Variants in BANK1 observed in about 807,000 individuals in gnomAD.
BANK1 encodes B-cell scaffold protein with ankyrin repeats.
Under a neutral mutation model 94.5 loss-of-function variants are expected in BANK1, and 95 were observed. The observed-to-expected ratio is 1.00, with a 90% CI of 0.85 to 1.19. BANK1 has a LOEUF of 1.19. BANK1 is among the 50% of genes most tolerant of loss of function. BANK1 has a pLI of 0.00. For synonymous variants in BANK1, 334 were observed against 308.4 expected (o/e 1.08, Z -0.87); for missense variants, 987 against 932.2 (o/e 1.06, Z -0.77).
At chr4:102,019,649 G>A (rs973371059) in intron 7 of BANK1, among the ~76,000 whole-genome samples, 3 of 152,132 alleles carry the variant, frequency 2.0e-5, no homozygotes, top group Non-Finnish European at 4.4e-5. Flanking sequence ...ATGTCAGAAT[G>A]TCTTCAGACT....
chr4:102,070,703 G>T (rs1369326284), intron 13 of BANK1, among the ~76,000 whole-genome samples: 1 of 152,152 alleles, frequency 6.6e-6, no homozygotes, highest in Non-Finnish European at 1.5e-5. Flanking sequence ...GGTGGGTGGT[G>T]TGGAGCCCTC....
At chr4:102,039,373 C>T (rs1216747959) in intron 10 of BANK1, among the ~76,000 whole-genome samples, 1 of 152,118 alleles carries the variant, frequency 6.6e-6, no homozygotes, top group South Asian at 2.1e-4. Context: ...CATCTTTCCT[C>T]TAAGCTTCAG....
intron 11 of BANK1, among the ~76,000 whole-genome samples, chr4:102,045,183 T>C (rs906480875): frequency 1.3e-5 from 2 of 152,040 alleles, no homozygotes; most frequent in African/African-American, 2.4e-5. Flanking sequence ...TTTAAGCCTT[T>C]AATCCATCTT....
At chr4:102,025,164 T>C (rs374894872) in intron 8 of BANK1, 37 bp from the exon 9 acceptor site, 1 of 1,592,972 alleles carries the variant, frequency 6.3e-7, no homozygotes, top group South Asian at 1.1e-5. Context: ...TCAGATGGTG[T>C]GTTTAAATGA....
chr4:101,815,187 C>A (rs936233647), intron 1 of BANK1, among the ~76,000 whole-genome samples: 1 of 151,970 alleles, frequency 6.6e-6, no homozygotes, highest in Non-Finnish European at 1.5e-5. Context: ...CACAGGAGAC[C>A]CCGGACCATA....
At chr4:101,878,395 G>T (rs577514512) in intron 5 of BANK1, among the ~76,000 whole-genome samples, 1 of 152,214 alleles carries the variant, frequency 6.6e-6, no homozygotes, top group Non-Finnish European at 1.5e-5. Context: ...ATTCAATTCG[G>T]TAACAGTATA....
chr4:102,024,672 C>T (rs1470432423), intron 8 of BANK1, among the ~76,000 whole-genome samples: 1 of 151,746 alleles, frequency 6.6e-6, no homozygotes, highest in Non-Finnish European at 1.5e-5. Context: ...GTAATAGCTC[C>T]AAAGTTAATA....
chr4:101,966,637 G>T (rs552690893), intron 7 of BANK1, among the ~76,000 whole-genome samples: 10 of 151,954 alleles, frequency 6.6e-5, no homozygotes, highest in Non-Finnish European at 1.3e-4. Flanking sequence ...TTAAATTATC[G>T]TTGACTATTG....
intron 7 of BANK1, among the ~76,000 whole-genome samples, chr4:101,993,074 T>G (rs1725763139): frequency 6.6e-6 from 1 of 152,178 alleles, no homozygotes; most frequent in Admixed American, 6.6e-5. Context: ...CACAGTTGGC[T>G]CTCATGGAGA....
intron 6 of BANK1, among the ~76,000 whole-genome samples, chr4:101,906,676 G>A (rs545518656): frequency 6.6e-6 from 1 of 152,260 alleles, no homozygotes; most frequent in Admixed American, 6.5e-5. Context: ...AAGTTCCAAA[G>A]TGAAACGAAC....
chr4:101,998,285 TTTG>T (rs1378946214), intron 7 of BANK1, among the ~76,000 whole-genome samples: 2 of 152,142 alleles, frequency 1.3e-5, no homozygotes, highest in Non-Finnish European at 2.9e-5. Flanking sequence ...TGAGAGACGG[TTTG>T]TTATTATTTC....
At chr4:102,012,954 C>A (rs1345972921) in intron 7 of BANK1, among the ~76,000 whole-genome samples, 1 of 151,890 alleles carries the variant, frequency 6.6e-6, no homozygotes, top group Non-Finnish European at 1.5e-5. Flanking sequence ...TAGTTTTTTT[C>A]CAAATTAAAG....
chr4:102,024,113 A>G (rs891870154), intron 8 of BANK1, among the ~76,000 whole-genome samples: 7 of 152,216 alleles, frequency 4.6e-5, no homozygotes, highest in Admixed American at 6.5e-5. Context: ...AGAAAATTCC[A>G]TATAATAATA....
chr4:101,900,900 T>C (rs1722261905), intron 6 of BANK1, among the ~76,000 whole-genome samples: 1 of 152,146 alleles, frequency 6.6e-6, no homozygotes, highest in South Asian at 2.1e-4. Context: ...GGCAAACATC[T>C]GAGTCCTACG....
chr4:101,953,103 C>T (rs1271597193), intron 7 of BANK1, among the ~76,000 whole-genome samples: 1 of 152,002 alleles, frequency 6.6e-6, no homozygotes, highest in African/African-American at 2.4e-5. Context: ...ATTCTTACAC[C>T]AAGGCTGAGA....
intron 10 of BANK1, among the ~76,000 whole-genome samples, chr4:102,039,725 C>T (rs888663185): frequency 2.0e-5 from 3 of 152,044 alleles, no homozygotes; most frequent in African/African-American, 7.2e-5. Flanking sequence ...TCTTATTTAC[C>T]TTTGCACCCT....
chr4:101,883,886 C>T (rs1039639869), intron 5 of BANK1, among the ~76,000 whole-genome samples: 7 of 152,180 alleles, frequency 4.6e-5, no homozygotes, highest in Non-Finnish European at 7.3e-5. Flanking sequence ...TCATCAATAA[C>T]TCTTTGGAAA....
At chr4:101,955,720 A>C (rs1457975349) in intron 7 of BANK1, among the ~76,000 whole-genome samples, 1 of 152,136 alleles carries the variant, frequency 6.6e-6, no homozygotes. Flanking sequence ...AAATTCTCCA[A>C]AAGTCCCATG....
chr4:101,880,657 A>G lies in BANK1; in HGVS notation c.903+10013A>G, dbSNP rs187001842. ...CAAAAGAAATTGGATGAATAACATT[A>G]CCTAACTTCAAATATACTACAGAGC... On this transcript the variant is annotated intron_variant, in intron 5 of 16. Transcript: ENST00000322953. 2.3e-4 allele frequency among the ~76,000 whole-genome samples: 35 copies of G among 152,252 alleles called. 1 individual carries two copies. The East Asian group carries it at 4.8e-3, about 21-fold the overall frequency.
Sources: allele counts gnomAD v4.1 joint callset (sites outside exome capture counted in the v4.1 genomes callset), GRCh38; gene constraint gnomAD v4.1.1; transcripts MANE v1.5; gene names NCBI Gene and HGNC (gene_info 2026-07-23, HGNC 2026-07-21).